BCAS1: variants seen among roughly 807,000 people sequenced by gnomAD.
BCAS1 encodes the protein brain enriched myelin associated protein 1.
In BCAS1, 46 loss-of-function variants were observed where a neutral mutation model predicts 65.4. The ratio of observed to expected loss-of-function variants is 0.70; its 90% CI spans 0.55 to 0.90. The LOEUF (loss-of-function observed/expected upper bound fraction) is 0.90, where lower values mean the gene tolerates loss of function less well. Ranked by LOEUF, BCAS1 falls within the 40% of genes least tolerant of loss-of-function variation. The pLI, the probability that BCAS1 is intolerant of heterozygous loss-of-function variation, is 0.00. For missense variants in BCAS1, 793 were observed against 771.2 expected (o/e 1.03, Z -0.33); for synonymous variants, 298 against 293.5 (o/e 1.02, Z -0.16).
chr20:53,953,505 A>G lies in BCAS1; in HGVS notation c.1742T>C (p.Leu581Pro). Residue 581 changes from leucine to proline, a missense_variant, in exon 12 of 13, where the codon CTG (leucine) becomes CCG (proline). By Grantham distance (98) the Leu-to-Pro change is moderately conservative (BLOSUM62 -3). Coordinates refer to ENST00000688948, the MANE Select transcript of BCAS1 (RefSeq NM_001366298.2). ...CTTTTGGAGCTTGTCCCCATTCTGCAGTGAGTTCGTGTCCACCGTGGCCTG... is the reference window on the plus strand; with the variant it reads ...CTTTTGGAGCTTGTCCCCATTCTGCGGTGAGTTCGTGTCCACCGTGGCCTG... ...TEQATVDTNSLQNGDKLQKRP... is the reference protein window; with the variant it reads ...TEQATVDTNSPQNGDKLQKRP... The G allele has an allele frequency of 6.2e-7, 1 of 1,614,020 alleles. No homozygotes were observed. The highest frequency in any genetic ancestry group is 8.5e-7 in the Non-Finnish European group (1 of 1,179,998).
rs1375722282 is a variant in BCAS1 at position 53,944,967 on chromosome 20, C to T, written c.1845G>A (p.Val615=). Reference sequence around the variant, plus strand: ...GTCCGATGGATACTGGGTCTGTTTGCACTTGAGCATCCAACATCCGCTTTG... The same window carrying T: ...GTCCGATGGATACTGGGTCTGTTTGTACTTGAGCATCCAACATCCGCTTTG... ...LGPKRMLDAQ[V]QTDPVSIGPV... The change falls in exon 13 of 13, where the codon GTG becomes GTA. Residue 615 remains valine, a synonymous_variant. Transcript: ENST00000688948. 6.2e-7 allele frequency: 1 copy of T among 1,613,976 alleles called. No homozygotes were observed. The highest frequency in any genetic ancestry group is 2.2e-5 in the East Asian group (1 of 44,892).
At position 54,017,772 on chromosome 20, in the gene BCAS1, T is replaced by C. The variant is rs181533364; in HGVS notation, c.723+10620A>G. Among the ~76,000 whole-genome samples the C allele has an allele frequency of 1.4e-3, 212 of 152,292 alleles. 1 individual carries two copies. Among genetic ancestry groups the C allele is most frequent in the Middle Eastern group, 6.8e-3 (2 of 294 alleles). ...GAGTGATTCCCAGGGTAAGCCACAC[T>C]GGGCAAAAGGGATTTGTGGAAGATT... On this transcript the variant is annotated intron_variant, in intron 4 of 12. Coordinates refer to ENST00000688948, the MANE Select transcript of BCAS1 (RefSeq NM_001366298.2).
At chr20:54,051,480 G>A (rs2092211647) in intron 3 of BCAS1, among the ~76,000 whole-genome samples, 3 of 152,054 alleles carry the variant, frequency 2.0e-5, no homozygotes, top group Admixed American at 6.6e-5. Context: ...GCAGTATATG[G>A]GAGGAATGGG....
At chr20:53,946,505 GTATA>G (rs71196434) in intron 12 of BCAS1, among the ~76,000 whole-genome samples, 1 of 145,944 alleles carries the variant, frequency 6.9e-6, no homozygotes, top group Admixed American at 6.8e-5. Flanking sequence ...ATTGTATACA[GTATA>G]TATATATATA....
chr20:54,037,872 T>C (rs772446814), intron 3 of BCAS1, among the ~76,000 whole-genome samples: 4 of 151,268 alleles, frequency 2.6e-5, no homozygotes, highest in Non-Finnish European at 4.4e-5. Flanking sequence ...AGACAAAGTT[T>C]AGTTAATAGA....
Sources: allele counts gnomAD v4.1 joint callset (sites outside exome capture counted in the v4.1 genomes callset), GRCh38; gene constraint gnomAD v4.1.1; transcripts MANE v1.5; gene names NCBI Gene and HGNC (gene_info 2026-07-23, HGNC 2026-07-21).